The following MBNL1 variants were observed in gnomAD, a reference collection of about 807,000 sequenced individuals.
MBNL1 encodes the protein muscleblind-like protein 1.
A neutral mutation model predicts 42.2 loss-of-function variants in MBNL1; 8 were observed. The ratio of observed to expected loss-of-function variants is 0.19; its 90% CI spans 0.11 to 0.34. The LOEUF (loss-of-function observed/expected upper bound fraction) is 0.34. Ranked by LOEUF, MBNL1 falls within the 10% of genes least tolerant of loss-of-function variation. The probability of loss-of-function intolerance (pLI) is 1.00; values close to 1 mark genes in which losing one functional copy is unlikely to be tolerated. For synonymous variants in MBNL1, 169 were observed against 173.9 expected, an observed-to-expected ratio of 0.97 and a Z score of 0.22; for missense variants, 309 against 495.3, an observed-to-expected ratio of 0.62 and a Z score of 3.57.
intron 1 of MBNL1, among the ~76,000 whole-genome samples, chr3:152,278,786 T>C (rs1417133367): frequency 6.6e-6 from 1 of 152,130 alleles, no homozygotes; most frequent in African/African-American, 2.4e-5. Flanking sequence ...AAATAATCAG[T>C]TAACAAACAT....
intron 2 of MBNL1, among the ~76,000 whole-genome samples, chr3:152,316,636 A>G (rs902997422): frequency 5.9e-5 from 9 of 152,134 alleles, no homozygotes; most frequent in African/African-American, 2.2e-4. Context: ...ATCAACAGAC[A>G]TGGGCAGATA....
chr3:152,343,053 G>C (rs528142460), intron 2 of MBNL1, among the ~76,000 whole-genome samples: 4 of 152,088 alleles, frequency 2.6e-5, no homozygotes, highest in Non-Finnish European at 5.9e-5. Flanking sequence ...TGCTTTCTCT[G>C]TCAAATCCAT....
intron 2 of MBNL1, among the ~76,000 whole-genome samples, chr3:152,257,088 G>A (rs1208659337): frequency 1.3e-5 from 2 of 152,124 alleles, no homozygotes; most frequent in Non-Finnish European, 2.9e-5. Context: ...GTATATATGT[G>A]GGTATGATGA....
intron 2 of MBNL1, among the ~76,000 whole-genome samples, chr3:152,402,031 CAA>C (rs35675539): frequency 7.2e-4 from 75 of 104,432 alleles, no homozygotes; most frequent in Admixed American, 8.7e-4. Flanking sequence ...GACTCTGTCT[CAA>C]AAAAAAAAAA....
chr3:152,340,734 T>A (rs1326430322), intron 2 of MBNL1: 1 of 1,614,042 alleles, frequency 6.2e-7, no homozygotes, highest in Non-Finnish European at 8.5e-7. Context: ...TTGGATTCCG[T>A]GATGGCTGAG....
chr3:152,295,062 G>A (rs1460946022), intron 1 of MBNL1, among the ~76,000 whole-genome samples: 3 of 152,056 alleles, frequency 2.0e-5, no homozygotes, highest in African/African-American at 7.3e-5. Flanking sequence ...AATGCATAAT[G>A]GCCAGTATCT....
At chr3:152,458,251 A>G in intron 8 of MBNL1, 1 of 1,471,126 alleles carries the variant, frequency 6.8e-7, no homozygotes, top group Non-Finnish European at 9.5e-7. Flanking sequence ...CAATGCTGTA[A>G]AATTGTGTAA....
At chr3:152,358,799 G>A (rs1280510752) in intron 2 of MBNL1, among the ~76,000 whole-genome samples, 1 of 151,848 alleles carries the variant, frequency 6.6e-6, no homozygotes, top group Admixed American at 6.6e-5. Context: ...TAATAGAGAT[G>A]GGGTCTCACT....
intron 2 of MBNL1, among the ~76,000 whole-genome samples, chr3:152,397,758 G>A (rs925753600): frequency 6.6e-6 from 1 of 152,010 alleles, no homozygotes. Context: ...TGTGTCATGT[G>A]AGCTCCAGTG....
At chr3:152,373,413 C>T (rs372611752) in intron 2 of MBNL1, among the ~76,000 whole-genome samples, 30 of 150,286 alleles carry the variant, frequency 2.0e-4, no homozygotes, top group Non-Finnish European at 3.4e-4. Context: ...CCCTGTTTTG[C>T]GCTTGAAACC....
At chr3:152,290,290 A>G (rs2055130637) in intron 1 of MBNL1, among the ~76,000 whole-genome samples, 1 of 151,898 alleles carries the variant, frequency 6.6e-6, no homozygotes, top group Admixed American at 6.6e-5. Flanking sequence ...TATGCTTTAT[A>G]TTTTGGGCAG....
intron 9 of MBNL1, 121 bp downstream of exon 9, chr3:152,459,466 A>G: frequency 2.3e-6 from 1 of 432,436 alleles, no homozygotes; most frequent in Non-Finnish European, 4.2e-6. Context: ...TCACATTTTT[A>G]TCTTAAATGG....
chr3:152,277,932 A>G (rs2046269092), intron 1 of MBNL1, among the ~76,000 whole-genome samples: 1 of 152,142 alleles, frequency 6.6e-6, no homozygotes, highest in Non-Finnish European at 1.5e-5. Context: ...TCTATAAACT[A>G]GAGAATAATG....
At chr3:152,355,141 G>A (rs1194051901) in intron 2 of MBNL1, among the ~76,000 whole-genome samples, 1 of 152,124 alleles carries the variant, frequency 6.6e-6, no homozygotes, top group Non-Finnish European at 1.5e-5. Flanking sequence ...AAAATCGTAA[G>A]TGAGATCCAG....
At chr3:152,422,785 T>G (rs1580145079) in intron 3 of MBNL1, among the ~76,000 whole-genome samples, 1 of 152,322 alleles carries the variant, frequency 6.6e-6, no homozygotes, top group East Asian at 1.9e-4. Flanking sequence ...AACTCAGGAT[T>G]AAGAAACTCA....
At chr3:152,425,277 A>G (rs949600490) in intron 3 of MBNL1, among the ~76,000 whole-genome samples, 2 of 152,152 alleles carry the variant, frequency 1.3e-5, no homozygotes, top group African/African-American at 2.4e-5. Flanking sequence ...GAAGACATTT[A>G]TGTGGCCAAC....
intron 2 of MBNL1, among the ~76,000 whole-genome samples, chr3:152,414,103 G>C (rs190115610): frequency 6.6e-6 from 1 of 152,162 alleles, no homozygotes; most frequent in Non-Finnish European, 1.5e-5. Context: ...GGCTATGTTC[G>C]TTGGTAGGAT....
chr3:152,369,801 C>T (rs976258630), intron 2 of MBNL1, among the ~76,000 whole-genome samples: 1 of 152,030 alleles, frequency 6.6e-6, no homozygotes, highest in East Asian at 1.9e-4. Context: ...TTTGCATAGA[C>T]GTATTTATAG....
intron 3 of MBNL1, among the ~76,000 whole-genome samples, chr3:152,424,767 C>T (rs1355155606): frequency 6.6e-6 from 1 of 152,156 alleles, no homozygotes; most frequent in Non-Finnish European, 1.5e-5. Context: ...TCAGAAATCA[C>T]ACCACACATC....
Sources: allele counts gnomAD v4.1 joint callset (sites outside exome capture counted in the v4.1 genomes callset), GRCh38; gene constraint gnomAD v4.1.1; transcripts MANE v1.5; gene names NCBI Gene and HGNC (gene_info 2026-07-23, HGNC 2026-07-21).